PALD1: variants seen among roughly 807,000 people sequenced by gnomAD.
The protein encoded by PALD1 is phosphatase domain containing paladin 1.
Under a neutral mutation model 96.0 loss-of-function variants are expected in PALD1, and 57 were observed. That is an observed-to-expected ratio of 0.59 (90% CI 0.48 to 0.74). The LOEUF (loss-of-function observed/expected upper bound fraction) is 0.74, where lower values mean the gene tolerates loss of function less well. Ranked by LOEUF, PALD1 falls within the 30% of genes least tolerant of loss-of-function variation. The pLI, the probability that PALD1 is intolerant of heterozygous loss-of-function variation, is 0.00. For synonymous variants in PALD1, 464 were observed against 473.6 expected (o/e 0.98, Z 0.26); for missense variants, 1,063 against 1,143.7 (o/e 0.93, Z 1.02).
At position 70,539,815 on chromosome 10, in the gene PALD1, G is replaced by A; in HGVS notation, c.1908+53G>A. The A allele has an allele frequency of 1.4e-6, 2 of 1,466,910 alleles. No individual in the cohort carries two copies. The highest frequency in any genetic ancestry group is 1.9e-6 in the Non-Finnish European group (2 of 1,074,386). 90.9% of individuals were successfully genotyped at this position (1,466,910 alleles called of 1,614,324 possible). The stretch of plus-strand genomic sequence containing the variant: ...CTGGGGAGGGACAGGAGGCCTCCCT[G>A]TCTCCCCTCTGGTCTGGGCTCTGGG... On this transcript the variant is annotated intron_variant, in intron 15 of 19. Coordinates refer to ENST00000263563, the MANE Select transcript of PALD1 (RefSeq NM_014431.3). This position sits in a 1 kb window ranked among gnomAD's most constrained non-coding sequence, Gnocchi z 4.5.
intron 17 of PALD1, among the ~76,000 whole-genome samples, chr10:70,542,289 G>A (rs1300606838): frequency 6.6e-6 from 1 of 152,122 alleles, no homozygotes; most frequent in Non-Finnish European, 1.5e-5. Context: ...GGTAAAATAT[G>A]CATAACATAA....
chr10:70,478,660 G>A (rs1033272822), upstream of PALD1, among the ~76,000 whole-genome samples: 4 of 152,114 alleles, frequency 2.6e-5, no homozygotes, highest in African/African-American at 9.7e-5. Context: ...CGGCTGGGCT[G>A]AGTGTGTCTT....
intron 1 of PALD1, among the ~76,000 whole-genome samples, chr10:70,509,890 A>G (rs1408848384): frequency 6.6e-6 from 1 of 152,190 alleles, no homozygotes; most frequent in Non-Finnish European, 1.5e-5. Flanking sequence ...TTCAGGAAAC[A>G]TTGATTTTGC....
chr10:70,475,044 A>G (rs955533301), upstream of PALD1, among the ~76,000 whole-genome samples: 1 of 152,228 alleles, frequency 6.6e-6, no homozygotes, highest in African/African-American at 2.4e-5. Context: ...AACAGCAGTC[A>G]TCAGTAAGTA....
At chr10:70,481,213 G>C (rs770519487) in intron 1 of PALD1, among the ~76,000 whole-genome samples, 4 of 152,212 alleles carry the variant, frequency 2.6e-5, no homozygotes. Flanking sequence ...CTCCTGGGGG[G>C]CACAGACACA....
the PALD1 span, among the ~76,000 whole-genome samples, chr10:70,467,042 C>T: frequency 6.6e-6 from 1 of 152,210 alleles, no homozygotes; most frequent in African/African-American, 2.4e-5. Flanking sequence ...GTGACAACTC[C>T]TGACGGGCGG....
the PALD1 span, among the ~76,000 whole-genome samples, chr10:70,466,858 C>T: frequency 6.6e-6 from 1 of 152,172 alleles, no homozygotes; most frequent in East Asian, 1.9e-4. Flanking sequence ...GGGATGCTGC[C>T]AGGGCTCCGA....
At position 70,538,336 on chromosome 10, in the gene PALD1, G is replaced by T; in HGVS notation, c.1380G>T (p.Leu460=). Residue 460 remains leucine (L), a synonymous_variant, in exon 12 of 20, where the codon CTG becomes CTT. Coordinates refer to ENST00000263563, the MANE Select transcript of PALD1 (RefSeq NM_014431.3). ...GCTGGCTGTGTGCCCACCCTGAGCT[G>T]TACCGCCTGCCCGTGACGCTGAGCT... ...FSRWLCAHPE[L]YRLPVTLSSA... 1 of 1,608,466 alleles carries T rather than the reference G, an allele frequency of 6.2e-7. No individual in the cohort carries two copies. The highest frequency in any genetic ancestry group is 1.1e-5 in the South Asian group (1 of 91,080).
the PALD1 span, among the ~76,000 whole-genome samples, chr10:70,470,855 G>A: frequency 1.3e-5 from 2 of 152,148 alleles, no homozygotes; most frequent in East Asian, 3.9e-4. Context: ...AGGCTGGAGT[G>A]CAATGACACG....
intron 1 of PALD1, among the ~76,000 whole-genome samples, chr10:70,520,599 C>T (rs1211634077): frequency 6.6e-6 from 1 of 151,832 alleles, no homozygotes; most frequent in African/African-American, 2.4e-5. Context: ...AATGTCCCAC[C>T]TTTTGAAGCT....
chr10:70,532,491 T>C (rs1424359804), intron 5 of PALD1, 130 bp from the exon 6 acceptor site: 20 of 867,826 alleles, frequency 2.3e-5, no homozygotes, highest in Non-Finnish European at 3.0e-5. Context: ...GGCTGTGTAG[T>C]TCCCTCATGG....
rs571443312 is a variant in PALD1, at chr10:70,551,542, G to A, written c.2262+4096G>A. On this transcript the variant is annotated intron_variant, in intron 18 of 19. Coordinates refer to ENST00000263563, the MANE Select transcript of PALD1 (RefSeq NM_014431.3). Reference sequence around the variant, plus strand: ...TTTCCAAAATCCCAAGAGTCCACTTGGGATCCTGAAATTCAACAGCATGTG... The same window carrying A: ...TTTCCAAAATCCCAAGAGTCCACTTAGGATCCTGAAATTCAACAGCATGTG... 1.1e-4 allele frequency among the ~76,000 whole-genome samples: 16 copies of A among 152,272 alleles called. No individual in the cohort carries two copies. The South Asian group carries it at 3.3e-3, about 32-fold the overall frequency.
Position 70,533,953 on chromosome 10 carries a change from C to T in PALD1, c.902C>T (p.Ala301Val). 6.2e-7 allele frequency: 1 copy of T among 1,609,912 alleles called. No individual in the cohort carries two copies. Among genetic ancestry groups the T allele is most frequent in the Admixed American group, 1.7e-5 (1 of 59,572 alleles). ...ETPSLLQLRD[A>V]HGPPPALVFS... ...CCCAGCCTGCTGCAGCTCCGTGATG[C>T]CCACGGGCCTCCCCCAGCCCTCGTC... Residue 301 changes from alanine to valine, a missense_variant, in exon 8 of 20, where the codon GCC (alanine) becomes GTC (valine). Ala to Val is a moderately conservative substitution (Grantham distance 64, BLOSUM62 0). Transcript: ENST00000263563.
At chr10:70,521,908 T>TA (rs1170455257) in intron 1 of PALD1, among the ~76,000 whole-genome samples, 2 of 151,954 alleles carry the variant, frequency 1.3e-5, no homozygotes, top group Non-Finnish European at 2.9e-5. Context: ...TTTAAATACA[T>TA]AAAATAGGTG....
Position 70,538,160 on chromosome 10 carries a change from T to TG in PALD1, c.1324-119dup, listed in dbSNP as rs985916389. 3.6e-6 allele frequency: 4 copies of TG among 1,098,964 alleles called. No individual in the cohort carries two copies. The African/African-American group carries it at 6.2e-5, about 17-fold the overall frequency. 68.1% of individuals were successfully genotyped at this position (1,098,964 alleles called of 1,614,324 possible). A position where few individuals can be genotyped will look rare whatever the true frequency, so the allele number is the denominator to read the frequency against. The stretch of plus-strand genomic sequence containing the variant: ...CCAGGTCTTCTCTCAGCCACTCCCT[T>TG]GTCCCTGCTCTGGGCCATGTTGGAT... On this transcript the variant is annotated intron_variant, in intron 11 of 19. Coordinates refer to ENST00000263563, the MANE Select transcript of PALD1 (RefSeq NM_014431.3).
At chr10:70,553,109 A>G (rs527779043) in intron 18 of PALD1, among the ~76,000 whole-genome samples, 2 of 152,228 alleles carry the variant, frequency 1.3e-5, no homozygotes, top group African/African-American at 2.4e-5. Flanking sequence ...CGTCTCTCCT[A>G]TTATGACTGG....
chr10:70,522,926 C>T (rs893674400), intron 1 of PALD1, among the ~76,000 whole-genome samples: 1 of 152,210 alleles, frequency 6.6e-6, no homozygotes, highest in African/African-American at 2.4e-5. Flanking sequence ...TGGTCCAAGG[C>T]CCTTCAGTGT....
At chr10:70,467,754 T>C in the PALD1 span, among the ~76,000 whole-genome samples, 1 of 152,212 alleles carries the variant, frequency 6.6e-6, no homozygotes, top group Admixed American at 6.5e-5. Context: ...AGATCATGAT[T>C]CTGACACAGT....
At chr10:70,545,049 A>G (rs910255446) in intron 17 of PALD1, among the ~76,000 whole-genome samples, 89 of 145,072 alleles carry the variant, frequency 6.1e-4, no homozygotes, top group African/African-American at 2.4e-3. Context: ...GGCACCGGGC[A>G]GGTGCCAGGC....
Sources: gnomAD v4.1 joint callset for allele counts (sites outside exome capture counted in the v4.1 genomes callset) on GRCh38, gnomAD v4.1.1 for gene constraint, Gnocchi (gnomAD v3.1) non-coding constraint, MANE v1.5 for transcripts, NCBI Gene and HGNC (gene_info 2026-07-23, HGNC 2026-07-21) for gene names.